The following AGT variants were observed in gnomAD, a reference collection of about 807,000 sequenced individuals.
The protein encoded by AGT is alpha-1 antiproteinase, antitrypsin.
A neutral mutation model predicts 28.1 loss-of-function variants in AGT; 26 were observed. The ratio of observed to expected loss-of-function variants is 0.92; its 90% CI spans 0.68 to 1.28. The LOEUF (loss-of-function observed/expected upper bound fraction) is 1.28. Among genes scored for constraint, AGT ranks in the 50% most tolerant of loss-of-function variants. The pLI is 0.00. For missense variants in AGT, 596 were observed against 592.3 expected, an observed-to-expected ratio of 1.01 and a Z score of -0.06; for synonymous variants, 259 against 259.6, an observed-to-expected ratio of 1.00 and a Z score of 0.02.
At chr1:230,730,578 G>A (rs1174122828) in intron 1 of AGT, among the ~76,000 whole-genome samples, 1 of 152,184 alleles carries the variant, frequency 6.6e-6, no homozygotes, top group Admixed American at 6.5e-5. Flanking sequence ...TCTTGAAAAC[G>A]TGTGTGGAAC....
intron 1 of AGT, among the ~76,000 whole-genome samples, chr1:230,727,649 G>T (rs1280442481): frequency 6.6e-6 from 1 of 152,238 alleles, no homozygotes; most frequent in Non-Finnish European, 1.5e-5. Flanking sequence ...TTCAGTCAGA[G>T]TTATGTCCCC....
chr1:230,703,902 A>G (rs1033502543), intron 4 of AGT, among the ~76,000 whole-genome samples: 11 of 152,110 alleles, frequency 7.2e-5, no homozygotes, highest in Non-Finnish European at 1.0e-4. Flanking sequence ...CCCGGTTTCA[A>G]CTCCACTATA....
At chr1:230,708,828 G>C (rs773383122) in intron 2 of AGT, among the ~76,000 whole-genome samples, 2 of 152,108 alleles carry the variant, frequency 1.3e-5, no homozygotes, top group Non-Finnish European at 2.9e-5. Flanking sequence ...GCAGGCTTCC[G>C]GGATGACCTC....
intron 1 of AGT, among the ~76,000 whole-genome samples, chr1:230,744,277 C>A (rs1360043051): frequency 6.6e-6 from 1 of 152,212 alleles, no homozygotes; most frequent in Non-Finnish European, 1.5e-5. Context: ...AATGAAGACA[C>A]CCAAGAATGC....
At chr1:230,732,233 T>C (rs1456289006) in intron 1 of AGT, among the ~76,000 whole-genome samples, 1 of 152,212 alleles carries the variant, frequency 6.6e-6, no homozygotes, top group Non-Finnish European at 1.5e-5. Flanking sequence ...ATTCTGGGCC[T>C]CAAGCAATCA....
chr1:230,704,169 G>A lies in AGT; in HGVS notation c.1242+24C>T, dbSNP rs766828538. Reference sequence around the variant, plus strand: ...TGTGCACACTTGGAACCCAGGTCAGGCACAGACACAGGCTCACACATACCT... The same window carrying A: ...TGTGCACACTTGGAACCCAGGTCAGACACAGACACAGGCTCACACATACCT... On this transcript the variant is annotated intron_variant, in intron 4 of 4. Coordinates refer to ENST00000366667, the MANE Select transcript of AGT (RefSeq NM_001384479.1). 9.3e-6 allele frequency: 15 copies of A among 1,614,208 alleles called. 1 individual carries two copies. In the South Asian group the frequency reaches 1.2e-4, roughly 13 times the overall value.
At chr1:230,739,519 C>T (rs774780031) in intron 1 of AGT, among the ~76,000 whole-genome samples, 1 of 152,040 alleles carries the variant, frequency 6.6e-6, no homozygotes, top group Non-Finnish European at 1.5e-5. Context: ...AAATGAGTTT[C>T]TGAGGTTCGG....
intron 1 of AGT, among the ~76,000 whole-genome samples, chr1:230,733,191 G>T (rs1247757072): frequency 6.6e-6 from 1 of 152,064 alleles, no homozygotes; most frequent in Non-Finnish European, 1.5e-5. Context: ...GCTGAGGCAG[G>T]AGAATCACTT....
At chr1:230,744,329 A>T (rs1393962930) in intron 1 of AGT, among the ~76,000 whole-genome samples, 4 of 152,224 alleles carry the variant, frequency 2.6e-5, no homozygotes, top group Non-Finnish European at 5.9e-5. Context: ...TTACTCAGCA[A>T]ATGTGCATCG....
chr1:230,710,166 G>C lies in AGT; in HGVS notation c.658C>G (p.Leu220Val). Residue 220 changes from leucine (L) to valine (V), a missense_variant, in exon 2 of 5, where the codon CTC becomes GTC. Transcript: ENST00000366667. ...LKQPFVQGLA[L>V]YTPVVLPRSL... Reference sequence around the variant, plus strand: ...CGTGGGAGGACCACAGGGGTATAGAGAGCCAGGCCCTGCACAAACGGCTGC... The same window carrying C: ...CGTGGGAGGACCACAGGGGTATAGACAGCCAGGCCCTGCACAAACGGCTGC... 6.2e-7 allele frequency: 1 copy of C among 1,614,122 alleles called. No homozygotes were observed. Among genetic ancestry groups the C allele is most frequent in the Non-Finnish European group, 8.5e-7 (1 of 1,180,034 alleles).
chr1:230,721,840 A>G (rs7524283), intron 1 of AGT, among the ~76,000 whole-genome samples: 26,772 of 152,220 alleles, frequency 0.18, 3,125 homozygotes, highest in East Asian at 0.49. Flanking sequence ...AGCAAAGCAT[A>G]AAAGTTTTGA....
chr1:230,707,166 G>A (rs11568037), intron 2 of AGT, among the ~76,000 whole-genome samples: 10 of 152,324 alleles, frequency 6.6e-5, no homozygotes, highest in Admixed American at 6.5e-4. Flanking sequence ...GGGAGAGCCC[G>A]TTGTGGGAGA....
In AGT at chr1:230,704,336, T is replaced by A. The variant is rs1447929331; in HGVS notation, c.1099A>T (p.Thr367Ser). 5 of 1,614,106 alleles carry A rather than the reference T, an allele frequency of 3.1e-6. No homozygotes were observed. The highest frequency in any genetic ancestry group is 4.2e-6 in the Non-Finnish European group (5 of 1,180,010). ...LNWMKKLSPR[T>S]IHLTMPQLVL... Reference sequence around the variant, plus strand: ...AGTTGGGGCATGGTCAGGTGGATGGTCCTGGGGAGATGATGCACAGTTAGG... The same window carrying A: ...AGTTGGGGCATGGTCAGGTGGATGGACCTGGGGAGATGATGCACAGTTAGG... The change falls in exon 4 of 5, where the codon ACC (threonine) becomes TCC (serine). Residue 367 changes from threonine to serine, a missense_variant and splice_region_variant. Transcript: ENST00000366667.
intron 1 of AGT, among the ~76,000 whole-genome samples, chr1:230,720,538 G>A (rs1230194690): frequency 2.6e-5 from 4 of 152,162 alleles, no homozygotes; most frequent in Admixed American, 2.0e-4. Context: ...CCGCCTCCAA[G>A]CTGAAGACAG....
Position 230,703,190 on chromosome 1 carries a change from G to A in AGT, c.1382C>T (p.Thr461Ile). The A allele has an allele frequency of 6.2e-7, 1 of 1,614,196 alleles. No homozygotes were observed. Among genetic ancestry groups the A allele is most frequent in the Non-Finnish European group, 8.5e-7 (1 of 1,180,042 alleles). The change falls in exon 5 of 5, where the codon ACT becomes ATT. Residue 461 changes from threonine to isoleucine, a missense_variant. Physicochemically the swap from Thr to Ile is moderately conservative, Grantham distance 89. Coordinates refer to ENST00000366667, the MANE Select transcript of AGT (RefSeq NM_001384479.1). ...CACGCGGCCCAGGAAGTGCAGGGCA[G>A]TGGCGCTTTGATCATACACAGCAAA... ...FLFAVYDQSA[T>I]ALHFLGRVAN...
chr1:230,706,082 G>A lies in AGT; in HGVS notation c.948C>T (p.Ile316=). The A allele has an allele frequency of 3.7e-6, 6 of 1,614,146 alleles. No individual in the cohort carries two copies. Among genetic ancestry groups the A allele is most frequent in the Non-Finnish European group, 5.1e-6 (6 of 1,180,028 alleles). The change falls in exon 3 of 5, where the codon ATC becomes ATT. Residue 316 remains isoleucine, a synonymous_variant. Coordinates refer to ENST00000366667, the MANE Select transcript of AGT (RefSeq NM_001384479.1). The part of the protein sequence containing the change: ...GMGTFQHWSD[I]QDNFSVTQVP... Reference sequence around the variant, plus strand: ...CTTGAGTCACCGAGAAGTTGTCCTGGATGTCACTCCAGTGCTGGAAGGTGC... The same window carrying A: ...CTTGAGTCACCGAGAAGTTGTCCTGAATGTCACTCCAGTGCTGGAAGGTGC...
chr1:230,711,742 C>T (rs1446005622), intron 1 of AGT, among the ~76,000 whole-genome samples: 2 of 151,774 alleles, frequency 1.3e-5, no homozygotes, highest in Non-Finnish European at 1.5e-5. Flanking sequence ...CCCTGCAGAG[C>T]CCCAAAGGCA....
chr1:230,710,336 G>A lies in AGT; in HGVS notation c.488C>T (p.Thr163Ile), dbSNP rs1663541884. The change falls in exon 2 of 5, where the codon ACC (threonine) becomes ATC (isoleucine). Residue 163 changes from threonine (T) to isoleucine (I), a missense_variant. Physicochemically the swap from Thr to Ile is moderately conservative, Grantham distance 89. Transcript: ENST00000366667. ...LGVPWKDKNC[T>I]SRLDAHKVLS... The stretch of plus-strand genomic sequence containing the variant: ...GACCTTGTGCGCATCCAGCCGGGAG[G>A]TGCAGTTCTTGTCCTTCCAAGGAAC... 2 of 1,614,120 alleles carry A rather than the reference G, an allele frequency of 1.2e-6. No homozygotes were observed. Among genetic ancestry groups the A allele is most frequent in the South Asian group, 2.2e-5 (2 of 91,084 alleles).
rs200991491 is a variant in AGT at position 230,704,142 on chromosome 1, C to A, written c.1242+51G>T. ...TGTCCCTTACATCCATGCCTCCCACCCTGTGCACACTTGGAACCCAGGTCA... is the reference window on the plus strand; with the variant it reads ...TGTCCCTTACATCCATGCCTCCCACACTGTGCACACTTGGAACCCAGGTCA... On this transcript the variant is annotated intron_variant, in intron 4 of 4. Coordinates refer to ENST00000366667, the MANE Select transcript of AGT (RefSeq NM_001384479.1). 13 of 1,613,896 alleles carry A rather than the reference C, an allele frequency of 8.1e-6. No homozygotes were observed. The East Asian group carries it at 2.5e-4, about 30-fold the overall frequency.
Sources: gnomAD v4.1 joint callset for allele counts (sites outside exome capture counted in the v4.1 genomes callset) on GRCh38, gnomAD v4.1.1 for gene constraint, MANE v1.5 for transcripts, NCBI Gene and HGNC (gene_info 2026-07-23, HGNC 2026-07-21) for gene names.